The following SLCO1A2 variants were observed in gnomAD, a reference collection of about 807,000 sequenced individuals.
The protein encoded by SLCO1A2 is solute carrier organic anion transporter family member 1A2.
Under a neutral mutation model 69.0 loss-of-function variants are expected in SLCO1A2, and 67 were observed. The observed-to-expected ratio is 0.97, with a 90% CI of 0.80 to 1.19. The LOEUF is 1.19. Among genes scored for constraint, SLCO1A2 ranks in the 50% most tolerant of loss-of-function variants. SLCO1A2 has a pLI of 0.00. For missense variants in SLCO1A2, 787 were observed against 793.7 expected (o/e 0.99, Z 0.10); for synonymous variants, 260 against 265.9 (o/e 0.98, Z 0.22).
chr12:21,357,917 G>A (rs563326282), intron 2 of SLCO1A2, among the ~76,000 whole-genome samples: 2 of 152,198 alleles, frequency 1.3e-5, no homozygotes, highest in African/African-American at 4.8e-5. Flanking sequence ...ATTAAATACC[G>A]AATTCTCCAT....
Position 21,265,750 on chromosome 12 carries a change from C to T in SLCO1A2, c.*3798G>A, listed in dbSNP as rs1347967937. 6.6e-6 allele frequency: 1 copy of T among 152,178 alleles called. No individual in the cohort carries two copies. The highest frequency in any genetic ancestry group is 2.4e-5 in the African/African-American group (1 of 41,450). The allele number at this position is 152,178 out of a possible 1,614,324, so 9.4% of individuals were successfully genotyped here. ...CTGCACTCTCCAGTTCCTTGGCAAG[C>T]AAACAACAGCTTACCCTACTGCCTA... is the stretch of plus-strand genomic sequence containing the variant. On this transcript the variant is annotated 3_prime_UTR_variant, in exon 15 of 15. Coordinates refer to ENST00000683939, the MANE Select transcript of SLCO1A2 (RefSeq NM_001386879.1).
intron 1 of SLCO1A2, among the ~76,000 whole-genome samples, chr12:21,387,682 G>A (rs568081512): frequency 6.2e-4 from 95 of 152,336 alleles, no homozygotes; most frequent in African/African-American, 1.7e-3. Flanking sequence ...CCCTGCTAGC[G>A]CAGTGCAGAA....
At position 21,321,567 on chromosome 12, in the gene SLCO1A2, C is replaced by A. The variant is rs889872922; in HGVS notation, c.61-2644G>T. Among the ~76,000 whole-genome samples the A allele has an allele frequency of 7.9e-5, 12 of 152,290 alleles. No homozygotes were observed. In the East Asian group the frequency reaches 1.5e-3, roughly 20 times the overall value. ...AATCTCTGATTTTTAAGATGGTAAA[C>A]AAAGCCTCATCTGTATTTCAGTATC... On this transcript the variant is annotated intron_variant, in intron 2 of 14. Coordinates refer to ENST00000683939, the MANE Select transcript of SLCO1A2 (RefSeq NM_001386879.1).
upstream of SLCO1A2, among the ~76,000 whole-genome samples, chr12:21,396,081 C>T (rs1056508602): frequency 1.4e-3 from 205 of 151,530 alleles, 1 homozygote; most frequent in East Asian, 4.7e-3. Context: ...CTCTGAGCTA[C>T]GGGAGGACAT....
chr12:21,294,277 G>C (rs1947372107), intron 10 of SLCO1A2, 167 bp from the exon 11 acceptor site: 4 of 489,792 alleles, frequency 8.2e-6, no homozygotes, highest in Non-Finnish European at 1.4e-5. Context: ...GTATAAAAGA[G>C]ACCTGCTTTG....
chr12:21,350,288 G>A (rs1255110774), intron 2 of SLCO1A2, among the ~76,000 whole-genome samples: 6 of 150,938 alleles, frequency 4.0e-5, no homozygotes, highest in Admixed American at 4.0e-4. Context: ...ACAAGAGATT[G>A]TACAAAGGAA....
At chr12:21,287,865 G>A (rs1436387467) in intron 12 of SLCO1A2, among the ~76,000 whole-genome samples, 2 of 92,304 alleles carry the variant, frequency 2.2e-5, no homozygotes, top group African/African-American at 8.7e-5. Context: ...CTGTGGTGGG[G>A]TGGGGGGAGG....
Position 21,269,634 on chromosome 12 carries a change from T to C in SLCO1A2, c.1927A>G (p.Lys643Glu). The C allele has an allele frequency of 6.2e-7, 1 of 1,612,820 alleles. No homozygotes were observed. The highest frequency in any genetic ancestry group is 8.5e-7 in the Non-Finnish European group (1 of 1,179,154). ...CACTCATTTTCCTTCCCTTTGACTT[T>C]TGTCTCTATAAGCTCTGTTCCTGAA... ...ASSGTELIET[K>E]VKGKENECKD... is the part of the protein sequence containing the mutation. The change falls in exon 15 of 15, where the codon AAA (lysine) becomes GAA (glutamate). Residue 643 changes from lysine to glutamate, a missense_variant. Lys to Glu is a moderately conservative substitution (Grantham distance 56). Coordinates refer to ENST00000683939, the MANE Select transcript of SLCO1A2 (RefSeq NM_001386879.1).
At position 21,297,422 on chromosome 12, in the gene SLCO1A2, C is replaced by G; in HGVS notation, c.1057G>C (p.Asp353His). 21 of 1,610,602 alleles carry G rather than the reference C, an allele frequency of 1.3e-5. No homozygotes were observed. The highest frequency in any genetic ancestry group is 1.7e-5 in the Non-Finnish European group (20 of 1,177,900). The change falls in exon 9 of 15, where the codon GAT (aspartate) becomes CAT (histidine). Residue 353 changes from aspartate to histidine, a missense_variant. Physicochemically the swap from Asp to His is moderately conservative, Grantham distance 81 (BLOSUM62 -1). Coordinates refer to ENST00000683939, the MANE Select transcript of SLCO1A2 (RefSeq NM_001386879.1). ...AACATACCCATTAGAAAGATTGCAT[C>G]TGAAGATGATATTCCATATTGCTGT... ...LEQQYGISSS[D>H]AIFLMGIYNL... is the part of the protein sequence containing the mutation.
chr12:21,386,463 G>A (rs191423908), intron 1 of SLCO1A2, among the ~76,000 whole-genome samples: 1 of 152,124 alleles, frequency 6.6e-6, no homozygotes, highest in African/African-American at 2.4e-5. Flanking sequence ...AATCATGGAG[G>A]TGGGTTATTC....
rs1403136526 is a variant in SLCO1A2 at position 21,417,310 on chromosome 12, C to G, written c.-312+572G>C. 2.0e-5 allele frequency among the ~76,000 whole-genome samples: 3 copies of G among 150,870 alleles called. No individual in the cohort carries two copies. The East Asian group carries it at 5.8e-4, about 29-fold the overall frequency. Reference sequence around the variant, plus strand: ...TATAAACATTGAATACTGATTTAATCAAAATTATAAGGGACTATATTAAGA... The same window carrying G: ...TATAAACATTGAATACTGATTTAATGAAAATTATAAGGGACTATATTAAGA... On this transcript the variant is annotated intron_variant, in intron 1 of 4. Transcript: ENST00000413682.
intron 2 of SLCO1A2, among the ~76,000 whole-genome samples, chr12:21,344,260 G>A (rs1953179716): frequency 6.6e-6 from 1 of 151,960 alleles, no homozygotes; most frequent in South Asian, 2.1e-4. Flanking sequence ...ATAATAAGAA[G>A]CTGAGAGACA....
Position 21,267,556 on chromosome 12 carries a change from C to T in SLCO1A2, c.*1992G>A, listed in dbSNP as rs1465188766. 6.6e-6 allele frequency: 1 copy of T among 152,156 alleles called. No homozygotes were observed. Among genetic ancestry groups the T allele is most frequent in the African/African-American group, 2.4e-5 (1 of 41,440 alleles). 9.4% of individuals were successfully genotyped at this position (152,156 alleles called of 1,614,324 possible). On this transcript the variant is annotated 3_prime_UTR_variant, in exon 15 of 15. Coordinates refer to ENST00000683939, the MANE Select transcript of SLCO1A2 (RefSeq NM_001386879.1). ...CTCTGCCCCCATTTATGTCAGTCAC[C>T]TAAATAGCCACAGAATTCCAAACTA...
rs187945905 is a variant in SLCO1A2, at chr12:21,361,949, G to C, written c.-63+12450C>G. On this transcript the variant is annotated intron_variant, in intron 2 of 15. Coordinates refer to the SLCO1A2 transcript ENST00000307378. Reference sequence around the variant, plus strand: ...GTACCTGAAAATGACGGGGAGAATGGAACCAAGTTGGAAAACACTCTTCAG... The same window carrying C: ...GTACCTGAAAATGACGGGGAGAATGCAACCAAGTTGGAAAACACTCTTCAG... Among the ~76,000 whole-genome samples, 62 of 152,258 alleles carry C rather than the reference G, an allele frequency of 4.1e-4. 1 individual carries two copies. The highest frequency in any genetic ancestry group is 3.4e-3 in the Middle Eastern group (1 of 294).
At chr12:21,375,113 C>A (rs1591897085) in intron 1 of SLCO1A2, among the ~76,000 whole-genome samples, 1 of 152,154 alleles carries the variant, frequency 6.6e-6, no homozygotes, top group South Asian at 2.1e-4. Flanking sequence ...CCACTGAACC[C>A]AGACCATTAT....
chr12:21,402,004 TA>T (rs1941721323), intron 1 of SLCO1A2, among the ~76,000 whole-genome samples: 1 of 151,584 alleles, frequency 6.6e-6, no homozygotes, highest in African/African-American at 2.4e-5. Flanking sequence ...AAAATAGTAA[TA>T]TTCCTGCATA....
chr12:21,327,892 A>G (rs1245203843), intron 2 of SLCO1A2, among the ~76,000 whole-genome samples: 1 of 152,142 alleles, frequency 6.6e-6, no homozygotes, highest in South Asian at 2.1e-4. Context: ...GGCAGCAGCC[A>G]TGGGCAGAAT....
chr12:21,396,215 C>T (rs1361478679), upstream of SLCO1A2, among the ~76,000 whole-genome samples: 2 of 149,840 alleles, frequency 1.3e-5, no homozygotes, highest in African/African-American at 4.9e-5. Context: ...TCGAGAACTA[C>T]GTGAAGAATG....
chr12:21,324,164 C>T (rs1053213242), intron 2 of SLCO1A2, among the ~76,000 whole-genome samples: 12 of 152,134 alleles, frequency 7.9e-5, no homozygotes, highest in African/African-American at 2.9e-4. Context: ...TAAAGAAAAA[C>T]TATAATCCGC....
Sources: allele counts gnomAD v4.1 joint callset (sites outside exome capture counted in the v4.1 genomes callset), GRCh38; gene constraint gnomAD v4.1.1; transcripts MANE v1.5; gene names NCBI Gene and HGNC (gene_info 2026-07-23, HGNC 2026-07-21).